Variants in FAT3 observed in about 807,000 individuals in gnomAD.
The protein encoded by FAT3 is FAT atypical cadherin 3, also known as protocadherin Fat 3.
Under a neutral mutation model 310.2 loss-of-function variants are expected in FAT3, and 95 were observed. The observed-to-expected ratio is 0.31, with a 90% confidence interval of 0.26 to 0.36. The LOEUF (loss-of-function observed/expected upper bound fraction) is 0.36. Ranked by LOEUF, FAT3 falls within the 10% of genes least tolerant of loss-of-function variation. The pLI, the probability that FAT3 is intolerant of heterozygous loss-of-function variation, is 1.00. For synonymous variants in FAT3, 2,314 were observed against 2,192.9 expected (o/e 1.06, Z -1.54); for missense variants, 5,408 against 5,715.6 (o/e 0.95, Z 1.74).
intron 3 of FAT3, among the ~76,000 whole-genome samples, chr11:92,651,981 G>A (rs1313693971): frequency 6.6e-6 from 1 of 151,960 alleles, no homozygotes; most frequent in Non-Finnish European, 1.5e-5. Context: ...CTTTTCCTCT[G>A]GGTGTAAACA....
intron 3 of FAT3, among the ~76,000 whole-genome samples, chr11:92,567,589 A>G (rs1618734): frequency 0.39 from 58,662 of 150,984 alleles, 12,053 homozygotes; most frequent in Middle Eastern, 0.53. Flanking sequence ...ATGCACACGT[A>G]TGTTTATTGC....
At position 92,324,178 on chromosome 11, in the gene FAT3, C is replaced by T. The variant is rs1047317794; in HGVS notation, c.-17-27918C>T. Among the ~76,000 whole-genome samples, 5 of 152,158 alleles carry T rather than the reference C, an allele frequency of 3.3e-5. No homozygotes were observed. In the East Asian group the frequency reaches 5.8e-4, roughly 18 times the overall value. On this transcript the variant is annotated intron_variant, in intron 1 of 27. Transcript: ENST00000525166. Reference sequence around the variant, plus strand: ...CCATATCAGCAATAAGGCTGTTTTGCTTTCTTATCATTCTTGTGTTCACCA... The same window carrying T: ...CCATATCAGCAATAAGGCTGTTTTGTTTTCTTATCATTCTTGTGTTCACCA...
intron 13 of FAT3, among the ~76,000 whole-genome samples, chr11:92,814,743 A>G (rs1425676982): frequency 6.6e-6 from 1 of 152,182 alleles, no homozygotes; most frequent in Non-Finnish European, 1.5e-5. Flanking sequence ...GAACATCAGG[A>G]CAAATACCTA....
Position 92,884,526 on chromosome 11 carries a change from T to C in FAT3, c.12937+1133T>C, listed in dbSNP as rs374639222. On this transcript the variant is annotated intron_variant, in intron 24 of 27. Coordinates refer to ENST00000525166, the MANE Select transcript of FAT3 (RefSeq NM_001367949.2). ...CTGTGTCCTAGGTAGCCTAGAAGGC[T>C]ATGGTTATAGCACTGTGGCATATGC... Among the ~76,000 whole-genome samples, 15 of 152,300 alleles carry C rather than the reference T, an allele frequency of 9.8e-5. No individual in the cohort carries two copies. The East Asian group carries it at 2.3e-3, about 24-fold the overall frequency.
chr11:92,530,971 C>G (rs151012206), intron 3 of FAT3, among the ~76,000 whole-genome samples: 1 of 151,654 alleles, frequency 6.6e-6, no homozygotes, highest in East Asian at 1.9e-4. Flanking sequence ...TTGCGGAAAT[C>G]TATTGTTGTT....
chr11:92,544,900 A>C (rs371034208), intron 3 of FAT3, among the ~76,000 whole-genome samples: 2 of 152,178 alleles, frequency 1.3e-5, no homozygotes, highest in African/African-American at 4.8e-5. Flanking sequence ...CCCTGTGCTA[A>C]AGTCTTATTG....
chr11:92,640,001 C>T (rs1414253534), intron 3 of FAT3, among the ~76,000 whole-genome samples: 1 of 152,158 alleles, frequency 6.6e-6, no homozygotes, highest in Admixed American at 6.5e-5. Context: ...CTCAGAACAT[C>T]GATTTCCCCT....
intron 16 of FAT3, 39 bp from the exon 17 acceptor site, chr11:92,837,624 G>C (rs111868413): frequency 1.2e-6 from 2 of 1,610,226 alleles, no homozygotes; most frequent in South Asian, 2.2e-5. Flanking sequence ...GGAAGGAAGC[G>C]CTACACCTCT....
intron 1 of FAT3, among the ~76,000 whole-genome samples, chr11:92,322,550 C>A (rs570851405): frequency 6.6e-6 from 1 of 152,298 alleles, no homozygotes; most frequent in East Asian, 1.9e-4. Context: ...AGCATTTAAC[C>A]TACAGCAGAA....
At chr11:92,856,752 T>C (rs528868187) in intron 19 of FAT3, among the ~76,000 whole-genome samples, 33 of 152,210 alleles carry the variant, frequency 2.2e-4, no homozygotes, top group East Asian at 3.9e-4. Flanking sequence ...CTTTTTTTTT[T>C]CCCCTCTGAA....
chr11:92,229,777 A>G (rs1047390510), intron 1 of FAT3, among the ~76,000 whole-genome samples: 5 of 148,962 alleles, frequency 3.4e-5, no homozygotes, highest in Non-Finnish European at 5.9e-5. Flanking sequence ...AGCATATTCC[A>G]GGACTTAGAT....
chr11:92,347,143 T>C (rs935507930), intron 1 of FAT3, among the ~76,000 whole-genome samples: 3 of 152,184 alleles, frequency 2.0e-5, no homozygotes, highest in African/African-American at 7.2e-5. Context: ...ATGGCATAGA[T>C]AGGATTCAAA....
chr11:92,237,881 G>A (rs757733446), intron 1 of FAT3, among the ~76,000 whole-genome samples: 1 of 152,106 alleles, frequency 6.6e-6, no homozygotes, highest in African/African-American at 2.4e-5. Context: ...ATAAGATGTA[G>A]GAAATGGGAA....
At chr11:92,663,753 T>C (rs1298101675) in intron 3 of FAT3, among the ~76,000 whole-genome samples, 2 of 152,182 alleles carry the variant, frequency 1.3e-5, no homozygotes, top group Non-Finnish European at 2.9e-5. Context: ...CTCTTACTCA[T>C]TGCCACCACT....
chr11:92,796,014 G>A (rs1375539475), intron 9 of FAT3, among the ~76,000 whole-genome samples: 1 of 152,020 alleles, frequency 6.6e-6, no homozygotes, highest in Non-Finnish European at 1.5e-5. Context: ...TGGAGTGAGG[G>A]AGGACTTACC....
chr11:92,726,729 G>A (rs1044053446), intron 4 of FAT3, among the ~76,000 whole-genome samples: 5 of 151,282 alleles, frequency 3.3e-5, no homozygotes, highest in African/African-American at 9.7e-5. Context: ...ATCTGAAATG[G>A]CCAAAATCAT....
At chr11:92,624,361 T>G (rs992128693) in intron 3 of FAT3, among the ~76,000 whole-genome samples, 1 of 152,174 alleles carries the variant, frequency 6.6e-6, no homozygotes, top group Non-Finnish European at 1.5e-5. Flanking sequence ...GATTTGACAG[T>G]GGAGAAATTA....
At chr11:92,384,747 A>G (rs1949579624) in intron 2 of FAT3, among the ~76,000 whole-genome samples, 1 of 152,260 alleles carries the variant, frequency 6.6e-6, no homozygotes, top group South Asian at 2.1e-4. Context: ...TAATCAGTGC[A>G]GTGGAAGAGA....
intron 3 of FAT3, among the ~76,000 whole-genome samples, chr11:92,602,415 T>C (rs963742293): frequency 3.3e-5 from 5 of 152,206 alleles, no homozygotes; most frequent in African/African-American, 1.2e-4. Context: ...CCTTATTTAA[T>C]TTTTACATCT....
Sources: allele counts gnomAD v4.1 joint callset (sites outside exome capture counted in the v4.1 genomes callset), GRCh38; gene constraint gnomAD v4.1.1; transcripts MANE v1.5; gene names NCBI Gene and HGNC (gene_info 2026-07-23, HGNC 2026-07-21).